Variants in CLASP2 observed in about 807,000 individuals in gnomAD.
CLASP2 encodes the protein cytoplasmic linker associated protein 2.
CLASP2 carries 47 observed loss-of-function variants against 194.4 expected under a neutral mutation model. The observed-to-expected ratio is 0.24, with a 90% CI of 0.19 to 0.31. The LOEUF is 0.31. CLASP2 is among the 10% of genes least tolerant of loss of function. The pLI, the probability that CLASP2 is intolerant of heterozygous loss-of-function variation, is 1.00. For missense variants in CLASP2, 1,445 were observed against 1,823.6 expected, an observed-to-expected ratio of 0.79 and a Z score of 3.78; for synonymous variants, 619 against 633.5, an observed-to-expected ratio of 0.98 and a Z score of 0.34.
intron 10 of CLASP2, among the ~76,000 whole-genome samples, chr3:33,625,413 T>C (rs955300820): frequency 3.3e-5 from 5 of 151,920 alleles, no homozygotes; most frequent in African/African-American, 9.7e-5. Flanking sequence ...CTAAGGAATA[T>C]ATGTACATAT....
In CLASP2 at chr3:33,496,474, T is replaced by A. The variant is rs1407526366; in HGVS notation, c.*2157A>T. ...TCAGCTTTCTTATAGTCTTATCAAC[T>A]GAGATTATAAAATTGTAAACACAAT... On this transcript the variant is annotated 3_prime_UTR_variant, in exon 39 of 39. Transcript: ENST00000682230. 6.6e-6 allele frequency: 1 copy of A among 152,162 alleles called. No homozygotes were observed. The highest frequency in any genetic ancestry group is 1.5e-5 in the Non-Finnish European group (1 of 68,004). The allele number at this position is 152,162 out of a possible 1,614,324, so 9.4% of individuals were successfully genotyped here. A position where few individuals can be genotyped will look rare whatever the true frequency, so the allele number is the denominator to read the frequency against.
At chr3:33,596,564 A>G in intron 19 of CLASP2, 147 bp downstream of exon 19, 1 of 715,266 alleles carries the variant, frequency 1.4e-6, no homozygotes, top group Non-Finnish European at 2.4e-6. Flanking sequence ...CATTCAGAGA[A>G]TTATGTAGCC....
intron 24 of CLASP2, among the ~76,000 whole-genome samples, chr3:33,575,369 A>C (rs1358491948): frequency 1.3e-5 from 2 of 152,146 alleles, no homozygotes; most frequent in Non-Finnish European, 2.9e-5. Context: ...TTATATCAAC[A>C]CTAGTTAAGA....
chr3:33,659,679 CAAAGCTTACTTCTGGTGGA>C (rs999271558), intron 7 of CLASP2: 4 of 152,428 alleles, frequency 2.6e-5, no homozygotes, highest in African/African-American at 9.7e-5. Context: ...CCACACGGAA[CAAAGCTTACTTCTGGTGGA>C]GACAGAACCT....
At chr3:33,571,625 ACT>A (rs1009239890) in intron 25 of CLASP2, among the ~76,000 whole-genome samples, 21 of 149,574 alleles carry the variant, frequency 1.4e-4, no homozygotes, top group Admixed American at 7.3e-4. Flanking sequence ...ACAGGGTTAG[ACT>A]CTGTCTCAAA....
intron 8 of CLASP2, among the ~76,000 whole-genome samples, chr3:33,639,924 C>T (rs1238386956): frequency 6.6e-6 from 1 of 152,212 alleles, no homozygotes; most frequent in Non-Finnish European, 1.5e-5. Context: ...GAGTTCTCGT[C>T]TCATCTCATC....
In CLASP2 at chr3:33,673,258, A is replaced by G. The variant is rs193192823; in HGVS notation, c.645-9743T>C. ...CAGCAGATGTCTCGGCAGAAACTCT[A>G]CAAGCCAGAAGAGAGTGGGGGCCAA... On this transcript the variant is annotated intron_variant, in intron 6 of 38. Transcript: ENST00000682230. 1.6e-4 allele frequency among the ~76,000 whole-genome samples: 25 copies of G among 152,370 alleles called. No individual in the cohort carries two copies. The East Asian group carries it at 2.7e-3, about 16-fold the overall frequency.
In CLASP2 at chr3:33,581,917, G is replaced by GACT. The variant is rs1281436753; in HGVS notation, c.2248_2250dup (p.Ser750dup). 6.2e-7 allele frequency: 1 copy of GACT among 1,612,534 alleles called. No homozygotes were observed. The highest frequency in any genetic ancestry group is 1.7e-5 in the Admixed American group (1 of 59,938). ...TGACTCACACTTGGTCGAGGAATAC[G>GACT]ACTGCTTCGGGCTGGTGTGAAGCAA... On this transcript the variant is annotated inframe_insertion, in exon 23 of 39. Transcript: ENST00000682230.
At chr3:33,679,945 G>C (rs2089505944) in intron 6 of CLASP2, among the ~76,000 whole-genome samples, 1 of 152,188 alleles carries the variant, frequency 6.6e-6, no homozygotes, top group Non-Finnish European at 1.5e-5. Flanking sequence ...ATTTTTAGCA[G>C]TTTTGTTCAT....
intron 1 of CLASP2, among the ~76,000 whole-genome samples, chr3:33,707,640 TGAAAG>T (rs1222141053): frequency 6.6e-6 from 1 of 152,018 alleles, no homozygotes; most frequent in Admixed American, 6.5e-5. Context: ...AGGAAGGAGA[TGAAAG>T]GAGAGTATTT....
chr3:33,536,739 T>C (rs1460036905), intron 33 of CLASP2, among the ~76,000 whole-genome samples: 2 of 151,956 alleles, frequency 1.3e-5, no homozygotes, highest in Non-Finnish European at 2.9e-5. Flanking sequence ...ATGAAGATGA[T>C]GGCTCAAACC....
chr3:33,520,921 G>C (rs1204112464), intron 34 of CLASP2, among the ~76,000 whole-genome samples: 1 of 151,410 alleles, frequency 6.6e-6, no homozygotes, highest in Admixed American at 6.6e-5. Context: ...CTAACAGTGA[G>C]TACATCTAGA....
intron 31 of CLASP2, among the ~76,000 whole-genome samples, chr3:33,544,106 T>C (rs1426592152): frequency 6.6e-6 from 1 of 152,192 alleles, no homozygotes; most frequent in African/African-American, 2.4e-5. Context: ...AATGCTTCAG[T>C]TCAATTCTTT....
chr3:33,706,952 G>C (rs1385879948), intron 1 of CLASP2, among the ~76,000 whole-genome samples: 1 of 152,148 alleles, frequency 6.6e-6, no homozygotes, highest in Non-Finnish European at 1.5e-5. Context: ...GCAACAAAGA[G>C]AGAGAGAGAC....
At chr3:33,629,761 AT>A (rs1238413799) in intron 9 of CLASP2, among the ~76,000 whole-genome samples, 2 of 151,852 alleles carry the variant, frequency 1.3e-5, no homozygotes, top group Non-Finnish European at 2.9e-5. Flanking sequence ...CAAAATGAGT[AT>A]TAAAAAAAAA....
At chr3:33,525,205 G>A (rs2054194705) in intron 34 of CLASP2, among the ~76,000 whole-genome samples, 1 of 151,992 alleles carries the variant, frequency 6.6e-6, no homozygotes. Context: ...AATATAGAGA[G>A]ACAACTGAAT....
intron 8 of CLASP2, among the ~76,000 whole-genome samples, chr3:33,642,793 T>G (rs1314265704): frequency 6.6e-6 from 1 of 151,606 alleles, no homozygotes; most frequent in Non-Finnish European, 1.5e-5. Context: ...CTCTGGCCAG[T>G]AGCTCTTTTC....
At chr3:33,568,324 G>A (rs1052423715) in intron 26 of CLASP2, among the ~76,000 whole-genome samples, 3 of 151,894 alleles carry the variant, frequency 2.0e-5, no homozygotes, top group African/African-American at 7.3e-5. Context: ...GGGACACAAT[G>A]GACAGATCAC....
At chr3:33,669,964 G>T (rs2086853207) in intron 6 of CLASP2, among the ~76,000 whole-genome samples, 1 of 152,048 alleles carries the variant, frequency 6.6e-6, no homozygotes, top group African/African-American at 2.4e-5. Context: ...CAAAAACAAT[G>T]CAAATATCCA....
Sources: allele counts gnomAD v4.1 joint callset (sites outside exome capture counted in the v4.1 genomes callset), GRCh38; gene constraint gnomAD v4.1.1; transcripts MANE v1.5; gene names NCBI Gene and HGNC (gene_info 2026-07-23, HGNC 2026-07-21).